The following NALF1 variants were observed in gnomAD, a reference collection of about 807,000 sequenced individuals.
NALF1 encodes the protein family with sequence similarity 155 member A.
In NALF1, 3 loss-of-function variants were observed where a neutral mutation model predicts 48.4. The observed-to-expected ratio is 0.06, with a 90% CI of 0.03 to 0.16. The LOEUF (loss-of-function observed/expected upper bound fraction) is 0.16, where lower values mean the gene tolerates loss of function less well. NALF1 is among the 10% of genes least tolerant of loss of function. The pLI is 1.00. For synonymous variants in NALF1, 262 were observed against 245.7 expected, an observed-to-expected ratio of 1.07 and a Z score of -0.62; for missense variants, 526 against 571.5, an observed-to-expected ratio of 0.92 and a Z score of 0.81.
chr13:107,226,595 G>C (rs1234893105), intron 1 of NALF1, among the ~76,000 whole-genome samples: 8 of 152,084 alleles, frequency 5.3e-5, no homozygotes, highest in Non-Finnish European at 1.5e-5. Context: ...ACTTAGCATC[G>C]GGTTTCTGAC....
Position 107,495,406 on chromosome 13 carries a change from T to A in NALF1, c.916-284651A>T, listed in dbSNP as rs77159475. Reference sequence around the variant, plus strand: ...AAACCACAAAAGCATAAAATGAAAATAGTTGATTTTTGATATCTTGTCCAA... The same window carrying A: ...AAACCACAAAAGCATAAAATGAAAAAAGTTGATTTTTGATATCTTGTCCAA... On this transcript the variant is annotated intron_variant, in intron 1 of 2. Coordinates refer to ENST00000375915, the MANE Select transcript of NALF1 (RefSeq NM_001080396.3). Among the ~76,000 whole-genome samples the A allele has an allele frequency of 4.0e-3, 615 of 152,234 alleles. 8 individuals are homozygous for A. The highest frequency in any genetic ancestry group is 0.014 in the African/African-American group (596 of 41,556).
chr13:107,722,175 A>C (rs1876006788), intron 1 of NALF1, among the ~76,000 whole-genome samples: 2 of 152,186 alleles, frequency 1.3e-5, no homozygotes, highest in African/African-American at 4.8e-5. Flanking sequence ...CTTATCATAA[A>C]GGAAAAAGCA....
intron 1 of NALF1, among the ~76,000 whole-genome samples, chr13:107,863,336 T>C (rs1030062766): frequency 1.3e-5 from 2 of 152,116 alleles, no homozygotes; most frequent in Admixed American, 1.3e-4. Context: ...AAAGAGAAAA[T>C]ATATGTTAAA....
At chr13:107,555,122 A>G (rs1877420379) in intron 1 of NALF1, among the ~76,000 whole-genome samples, 1 of 152,174 alleles carries the variant, frequency 6.6e-6, no homozygotes, top group Non-Finnish European at 1.5e-5. Context: ...CCAATTGATC[A>G]TTAAGCAGGC....
chr13:107,843,885 A>T (rs1433554499), intron 1 of NALF1, among the ~76,000 whole-genome samples: 3 of 152,164 alleles, frequency 2.0e-5, no homozygotes, highest in Admixed American at 2.0e-4. Context: ...AATGATAAAA[A>T]ATTATATTGT....
At chr13:107,718,543 G>A (rs925401695) in intron 1 of NALF1, among the ~76,000 whole-genome samples, 2 of 152,136 alleles carry the variant, frequency 1.3e-5, no homozygotes, top group African/African-American at 4.8e-5. Flanking sequence ...GGATTTTGTG[G>A]ACTAGATGAG....
At chr13:107,198,952 C>T (rs1236142642) in intron 2 of NALF1, among the ~76,000 whole-genome samples, 1 of 152,204 alleles carries the variant, frequency 6.6e-6, no homozygotes, top group Non-Finnish European at 1.5e-5. Context: ...CCCTAACTCC[C>T]AGTACGCTAA....
chr13:107,861,595 T>C (rs766248509), intron 1 of NALF1, among the ~76,000 whole-genome samples: 12 of 152,188 alleles, frequency 7.9e-5, no homozygotes, highest in Non-Finnish European at 1.6e-4. Flanking sequence ...CCATCCTGGC[T>C]TACATGATGA....
chr13:107,688,746 C>T (rs1881498578), intron 1 of NALF1, among the ~76,000 whole-genome samples: 1 of 152,170 alleles, frequency 6.6e-6, no homozygotes, highest in Middle Eastern at 3.2e-3. Context: ...CCTCCAAAGA[C>T]CACGGACCTA....
chr13:107,801,124 A>G (rs1305132354), intron 1 of NALF1, among the ~76,000 whole-genome samples: 1 of 152,208 alleles, frequency 6.6e-6, no homozygotes, highest in Non-Finnish European at 1.5e-5. Context: ...AGATCAATAC[A>G]AAACACAAAG....
chr13:107,361,873 G>T (rs1369833653), intron 1 of NALF1, among the ~76,000 whole-genome samples: 1 of 152,162 alleles, frequency 6.6e-6, no homozygotes, highest in Non-Finnish European at 1.5e-5. Context: ...GTTAGGCAAG[G>T]CCAGATGATT....
chr13:107,174,220 T>C (rs999135524), intron 2 of NALF1, among the ~76,000 whole-genome samples: 1 of 152,210 alleles, frequency 6.6e-6, no homozygotes, highest in African/African-American at 2.4e-5. Context: ...GGAAACACCA[T>C]GCATTCCTAG....
chr13:107,739,286 C>T (rs1164378702), intron 1 of NALF1, among the ~76,000 whole-genome samples: 1 of 151,436 alleles, frequency 6.6e-6, no homozygotes, highest in Non-Finnish European at 1.5e-5. Flanking sequence ...GTAACAAACC[C>T]GCACGTCCTG....
chr13:107,235,411 C>G (rs1384346019), intron 1 of NALF1, among the ~76,000 whole-genome samples: 1 of 152,066 alleles, frequency 6.6e-6, no homozygotes, highest in Non-Finnish European at 1.5e-5. Context: ...TTGATATACA[C>G]AGGGGATCAG....
intron 1 of NALF1, among the ~76,000 whole-genome samples, chr13:107,744,657 C>T (rs954986035): frequency 1.3e-5 from 2 of 152,128 alleles, no homozygotes; most frequent in Non-Finnish European, 2.9e-5. Flanking sequence ...ATTTGATTTC[C>T]CAAGAAGGTC....
chr13:107,726,164 T>C (rs1264985380), intron 1 of NALF1, among the ~76,000 whole-genome samples: 2 of 152,200 alleles, frequency 1.3e-5, no homozygotes, highest in African/African-American at 4.8e-5. Flanking sequence ...TTGACAATTT[T>C]CATTTCATTC....
intron 1 of NALF1, among the ~76,000 whole-genome samples, chr13:107,841,991 C>G (rs1193500904): frequency 6.6e-6 from 1 of 151,814 alleles, no homozygotes; most frequent in Non-Finnish European, 1.5e-5. Context: ...CTCATATCTG[C>G]TTATATTTAA....
chr13:107,779,848 TATCCCCTTTTCATTTCATGCTTGGA>T, intron 1 of NALF1, among the ~76,000 whole-genome samples: 1 of 152,210 alleles, frequency 6.6e-6, no homozygotes, highest in South Asian at 2.1e-4. Context: ...AACAACTCAA[TATCCCCTTTTCATTTCATGCTTGGA>T]ACCCTGAACT....
At chr13:107,816,906 T>A (rs984811908) in intron 1 of NALF1, among the ~76,000 whole-genome samples, 9 of 152,202 alleles carry the variant, frequency 5.9e-5, no homozygotes, top group Non-Finnish European at 5.9e-5. Flanking sequence ...AGCAAATACA[T>A]TCACAAGTAG....
Sources: allele counts gnomAD v4.1 joint callset (sites outside exome capture counted in the v4.1 genomes callset), GRCh38; gene constraint gnomAD v4.1.1; transcripts MANE v1.5; gene names NCBI Gene and HGNC (gene_info 2026-07-23, HGNC 2026-07-21).